Variants in SLC8A3 observed in about 807,000 individuals in gnomAD.
SLC8A3 encodes the protein sodium/calcium exchanger 3.
SLC8A3 carries 37 observed loss-of-function variants against 65.4 expected under a neutral mutation model. The observed-to-expected ratio is 0.57, with a 90% CI of 0.44 to 0.74. SLC8A3 has a LOEUF of 0.74. SLC8A3 is among the 30% of genes least tolerant of loss of function. SLC8A3 has a pLI of 0.00. For missense variants in SLC8A3, 1,112 were observed against 1,172.1 expected (o/e 0.95, Z 0.75); for synonymous variants, 461 against 444.5 (o/e 1.04, Z -0.47).
chr14:70,121,924 T>C (rs1244370694), intron 2 of SLC8A3, among the ~76,000 whole-genome samples: 1 of 152,184 alleles, frequency 6.6e-6, no homozygotes, highest in Admixed American at 6.5e-5. Flanking sequence ...TCTTAGGACA[T>C]CCTTTTTTCA....
intron 1 of SLC8A3, among the ~76,000 whole-genome samples, chr14:70,182,858 C>A (rs1192016645): frequency 6.6e-6 from 1 of 152,120 alleles, no homozygotes; most frequent in Non-Finnish European, 1.5e-5. Flanking sequence ...AGAGATGGAA[C>A]TGGGGCAGTT....
chr14:70,179,397 C>T (rs577239627), intron 1 of SLC8A3, among the ~76,000 whole-genome samples: 5 of 152,154 alleles, frequency 3.3e-5, no homozygotes, highest in Non-Finnish European at 7.4e-5. Context: ...ACAGTATTCC[C>T]AGTGCCTTGG....
At chr14:70,127,057 T>C (rs1032967838) in intron 2 of SLC8A3, among the ~76,000 whole-genome samples, 7 of 152,002 alleles carry the variant, frequency 4.6e-5, no homozygotes, top group Non-Finnish European at 8.8e-5. Flanking sequence ...CAATGTGAAG[T>C]AATAAAAAAC....
chr14:70,148,437 CT>C (rs1016977863), intron 2 of SLC8A3, among the ~76,000 whole-genome samples: 1 of 152,008 alleles, frequency 6.6e-6, no homozygotes, highest in African/African-American at 2.4e-5. Flanking sequence ...GTACTTTTTT[CT>C]TTTGAGGAAA....
At chr14:70,142,747 G>T (rs1394024462) in intron 2 of SLC8A3, among the ~76,000 whole-genome samples, 1 of 152,158 alleles carries the variant, frequency 6.6e-6, no homozygotes, top group Non-Finnish European at 1.5e-5. Flanking sequence ...TGGTGGAAGG[G>T]TTTTTTATTC....
intron 2 of SLC8A3, among the ~76,000 whole-genome samples, chr14:70,085,843 A>C (rs774837938): frequency 6.6e-6 from 1 of 152,230 alleles, no homozygotes; most frequent in African/African-American, 2.4e-5. Flanking sequence ...GTATTAACTC[A>C]TCAAATCTCC....
chr14:70,102,506 C>G (rs552469622), intron 2 of SLC8A3, among the ~76,000 whole-genome samples: 19 of 152,080 alleles, frequency 1.2e-4, no homozygotes, highest in African/African-American at 4.6e-4. Flanking sequence ...AAAGATCACT[C>G]AATAGAAAAT....
intron 3 of SLC8A3, 124 bp from the exon 4 acceptor site, chr14:70,052,238 A>G: frequency 1.6e-6 from 2 of 1,248,088 alleles, no homozygotes; most frequent in Non-Finnish European, 2.1e-6. Flanking sequence ...GGGAGTTTAT[A>G]TATATTTTTA....
In SLC8A3 at chr14:70,168,192, G is replaced by A; in HGVS notation, c.231C>T (p.Val77=). ...NPSLGDKIAR[V]IVYFVALIYM... is the part of the protein sequence containing the mutation. ...ATATCAGGGCCACAAAATAGACAAT[G>A]ACCCTGGCAATCTTGTCCCCAAGGG... The change falls in exon 2 of 7, where the codon GTC becomes GTT. Residue 77 remains valine, a synonymous_variant. Transcript: ENST00000356921. 6.2e-7 allele frequency: 1 copy of A among 1,614,090 alleles called. No homozygotes were observed. The highest frequency in any genetic ancestry group is 8.5e-7 in the Non-Finnish European group (1 of 1,180,000).
intron 2 of SLC8A3, among the ~76,000 whole-genome samples, chr14:70,061,209 G>A (rs1888761119): frequency 1.3e-5 from 2 of 152,188 alleles, no homozygotes; most frequent in Admixed American, 1.3e-4. Flanking sequence ...AAGGGAGCCA[G>A]AAGGACAGAA....
At position 70,148,428 on chromosome 14, in the gene SLC8A3, T is replaced by C. The variant is rs147757514; in HGVS notation, c.1784+18211A>G. ...ATGGGAGAGGGTTGGCAGAAGAGGG[T>C]ACTTTTTTCTTTTGAGGAAAGGAAT... is the stretch of plus-strand genomic sequence containing the variant. On this transcript the variant is annotated intron_variant, in intron 2 of 6. Transcript: ENST00000356921. 5.0e-4 allele frequency among the ~76,000 whole-genome samples: 76 copies of C among 152,250 alleles called. No individual in the cohort carries two copies. The East Asian group carries it at 0.014, about 28-fold the overall frequency.
intron 2 of SLC8A3, among the ~76,000 whole-genome samples, chr14:70,108,884 C>G (rs1893066944): frequency 6.6e-6 from 1 of 152,150 alleles, no homozygotes; most frequent in African/African-American, 2.4e-5. Context: ...CTTCTTTACC[C>G]TGGGCCTTTG....
chr14:70,150,660 C>G (rs563288140), intron 2 of SLC8A3, among the ~76,000 whole-genome samples: 1 of 152,146 alleles, frequency 6.6e-6, no homozygotes, highest in East Asian at 1.9e-4. Flanking sequence ...TTCAGCTGTG[C>G]CCCAGCCAGG....
In SLC8A3 at chr14:70,052,243, T is replaced by TA. The variant is rs1223122264; in HGVS notation, c.1889-130_1889-129insT. On this transcript the variant is annotated intron_variant, in intron 3 of 6. Coordinates refer to ENST00000356921, the MANE Select transcript of SLC8A3 (RefSeq NM_182932.3). ...CTTGGGAATGGGGAGTTTATATATA[T>TA]TTTTAGTGCCTTTTTTATGAAGTAC... 2.6e-6 allele frequency: 3 copies of TA among 1,158,620 alleles called. No homozygotes were observed. In the East Asian group the frequency reaches 8.2e-5, roughly 32 times the overall value. 71.8% of individuals were successfully genotyped at this position (1,158,620 alleles called of 1,614,324 possible). A position where few individuals can be genotyped will look rare whatever the true frequency, so the allele number is the denominator to read the frequency against.
intron 3 of SLC8A3, among the ~76,000 whole-genome samples, chr14:70,055,403 A>C (rs979825507): frequency 6.6e-6 from 1 of 151,696 alleles, no homozygotes; most frequent in African/African-American, 2.4e-5. Flanking sequence ...TTTTTTTCAA[A>C]TCCTGTCACA....
At chr14:70,066,554 T>C (rs1418024574) in intron 2 of SLC8A3, among the ~76,000 whole-genome samples, 2 of 152,132 alleles carry the variant, frequency 1.3e-5, no homozygotes, top group African/African-American at 4.8e-5. Context: ...CTCACACCTG[T>C]AATCCCAGTG....
chr14:70,177,277 T>C (rs1897966914), intron 1 of SLC8A3, among the ~76,000 whole-genome samples: 1 of 152,204 alleles, frequency 6.6e-6, no homozygotes, highest in Non-Finnish European at 1.5e-5. Context: ...TTGGCAGTGT[T>C]CAACTTGGAG....
intron 6 of SLC8A3, chr14:70,048,260 G>A (rs78304344): frequency 4.3e-6 from 1 of 233,890 alleles, no homozygotes; most frequent in African/African-American, 2.3e-5. Context: ...GGCCAAGAAT[G>A]TATGTGGGCA....
Position 70,125,200 on chromosome 14 carries a change from G to A in SLC8A3, c.1784+41439C>T, listed in dbSNP as rs142230355. The stretch of plus-strand genomic sequence containing the variant: ...TATTTTTATTTGTATAAATTTAAGG[G>A]GTGTAAGGGCAATTTTGTTACATGG... On this transcript the variant is annotated intron_variant, in intron 2 of 6. Coordinates refer to ENST00000356921, the MANE Select transcript of SLC8A3 (RefSeq NM_182932.3). Among the ~76,000 whole-genome samples, 1,243 of 152,212 alleles carry A rather than the reference G, an allele frequency of 8.2e-3. 10 individuals are homozygous for A. Among genetic ancestry groups the A allele is most frequent in the Non-Finnish European group, 0.012 (829 of 68,016 alleles).
Sources: gnomAD v4.1 joint callset for allele counts (sites outside exome capture counted in the v4.1 genomes callset) on GRCh38, gnomAD v4.1.1 for gene constraint, MANE v1.5 for transcripts, NCBI Gene and HGNC (gene_info 2026-07-23, HGNC 2026-07-21) for gene names.